The following USP43 variants were observed in gnomAD, a reference collection of about 807,000 sequenced individuals.
USP43 encodes ubiquitin carboxyl-terminal hydrolase 43.
USP43 carries 33 observed loss-of-function variants against 90.7 expected under a neutral mutation model. That is an observed-to-expected ratio of 0.36 (90% CI 0.28 to 0.49). USP43 has a LOEUF of 0.49. Among genes scored for constraint, USP43 ranks in the 20% least tolerant of loss-of-function variants. The pLI is 0.98. For synonymous variants in USP43, 598 were observed against 615.8 expected (o/e 0.97, Z 0.43); for missense variants, 1,274 against 1,476.4 (o/e 0.86, Z 2.25).
intron 8 of USP43, among the ~76,000 whole-genome samples, chr17:9,689,725 T>C (rs1347315715): frequency 1.3e-5 from 2 of 151,998 alleles, no homozygotes; most frequent in African/African-American, 4.8e-5. Flanking sequence ...CCCAAACACT[T>C]TTATGGTATT....
At chr17:9,671,110 G>T (rs528671223) in intron 3 of USP43, among the ~76,000 whole-genome samples, 11 of 152,308 alleles carry the variant, frequency 7.2e-5, no homozygotes, top group East Asian at 1.9e-4. Flanking sequence ...CTGAGTTTTT[G>T]ACTTTGGCTG....
intron 1 of USP43, among the ~76,000 whole-genome samples, chr17:9,652,713 T>TA (rs1248216117): frequency 1.1e-4 from 17 of 151,306 alleles, no homozygotes; most frequent in Admixed American, 3.3e-4. Context: ...AATAGGTTAT[T>TA]AAAAAAAAAT....
intron 9 of USP43, among the ~76,000 whole-genome samples, chr17:9,697,387 A>G (rs931173159): frequency 1.3e-5 from 2 of 151,754 alleles, no homozygotes; most frequent in African/African-American, 4.8e-5. Flanking sequence ...TTACATGGAT[A>G]TATCATGTAA....
chr17:9,695,990 T>C (rs8078128), intron 9 of USP43, among the ~76,000 whole-genome samples: 51,626 of 151,958 alleles, frequency 0.34, 10,622 homozygotes, highest in East Asian at 0.7. Context: ...CCATTGTATG[T>C]ATACACCACC....
rs748768324 is a variant in USP43, at chr17:9,674,867, C to T, written c.741-24C>T. The T allele has an allele frequency of 2.0e-5, 32 of 1,596,166 alleles. No individual in the cohort carries two copies. The highest frequency in any genetic ancestry group is 1.3e-4 in the African/African-American group (10 of 74,478). ...AATTGTTTACGTGTGATTAAACGTTCGCCTCTGTTCTTCACCCTCACAGAT... is the reference window on the plus strand; with the variant it reads ...AATTGTTTACGTGTGATTAAACGTTTGCCTCTGTTCTTCACCCTCACAGAT... On this transcript the variant is annotated intron_variant, in intron 3 of 14. Coordinates refer to ENST00000285199, the MANE Select transcript of USP43 (RefSeq NM_153210.5). The surrounding 1 kb of genome is among the most constrained non-coding windows in gnomAD (Gnocchi z 4.4).
At chr17:9,697,050 C>T (rs1915311090) in intron 9 of USP43, among the ~76,000 whole-genome samples, 1 of 152,172 alleles carries the variant, frequency 6.6e-6, no homozygotes, top group Admixed American at 6.5e-5. Flanking sequence ...AACCGCATTT[C>T]TACTGAAAAT....
chr17:9,720,514 G>A (rs970521652), intron 14 of USP43, among the ~76,000 whole-genome samples: 3 of 150,252 alleles, frequency 2.0e-5, no homozygotes, highest in African/African-American at 7.3e-5. Context: ...TTGAGATGGT[G>A]TTTCACTCTT....
intron 8 of USP43, among the ~76,000 whole-genome samples, chr17:9,688,786 A>G (rs771950621): frequency 1.3e-5 from 2 of 152,104 alleles, no homozygotes; most frequent in African/African-American, 2.4e-5. Context: ...TCCCAGGCTC[A>G]AGTGATCCTC....
At chr17:9,695,683 AT>A (rs1482673863) in intron 9 of USP43, among the ~76,000 whole-genome samples, 1 of 151,574 alleles carries the variant, frequency 6.6e-6, no homozygotes, top group Non-Finnish European at 1.5e-5. Flanking sequence ...GGATTGTTAC[AT>A]TTACCTTGTT....
At chr17:9,707,156 T>A (rs898980066) in intron 12 of USP43, among the ~76,000 whole-genome samples, 3 of 152,176 alleles carry the variant, frequency 2.0e-5, no homozygotes, top group Non-Finnish European at 4.4e-5. Context: ...ATGAGGCACT[T>A]GACTAAATGG....
At chr17:9,702,826 G>T (rs930959572) in intron 12 of USP43, among the ~76,000 whole-genome samples, 1 of 152,208 alleles carries the variant, frequency 6.6e-6, no homozygotes, top group Non-Finnish European at 1.5e-5. Flanking sequence ...ATCGGAGAAT[G>T]GATGGAACAG....
chr17:9,714,777 C>T (rs932572311), intron 14 of USP43, among the ~76,000 whole-genome samples: 13 of 150,928 alleles, frequency 8.6e-5, no homozygotes, highest in African/African-American at 2.0e-4. Flanking sequence ...AAGAAAAGAA[C>T]GGAGAAGGAG....
At chr17:9,688,577 T>C (rs1468561202) in intron 8 of USP43, among the ~76,000 whole-genome samples, 1 of 151,940 alleles carries the variant, frequency 6.6e-6, no homozygotes. Context: ...TCTCAATCTC[T>C]TGGCCTCATG....
chr17:9,708,673 G>A (rs552800233), intron 12 of USP43, among the ~76,000 whole-genome samples: 1 of 152,272 alleles, frequency 6.6e-6, no homozygotes, highest in African/African-American at 2.4e-5. Context: ...TGTTGCCCGG[G>A]TTGGAGTGCA....
At position 9,710,278 on chromosome 17, in the gene USP43, A is replaced by G. The variant is rs895699671; in HGVS notation, c.2170+164A>G. Among the ~76,000 whole-genome samples, 40 of 152,128 alleles carry G rather than the reference A, an allele frequency of 2.6e-4. 1 individual carries two copies. Among genetic ancestry groups the G allele is most frequent in the Admixed American group, 6.6e-5 (1 of 15,256 alleles). ...CCTGAGCTGCATAGACTGGTTGCTC[A>G]TTTACCAGGGTGTGGGATGGATGGA... On this transcript the variant is annotated intron_variant, in intron 13 of 14. Coordinates refer to ENST00000285199, the MANE Select transcript of USP43 (RefSeq NM_153210.5).
chr17:9,709,437 C>T lies in USP43; in HGVS notation c.2012-519C>T, dbSNP rs1264922396. Among the ~76,000 whole-genome samples, 3 of 152,102 alleles carry T rather than the reference C, an allele frequency of 2.0e-5. No homozygotes were observed. The highest frequency in any genetic ancestry group is 1.3e-4 in the Admixed American group (2 of 15,272). On this transcript the variant is annotated intron_variant, in intron 12 of 14. Coordinates refer to ENST00000285199, the MANE Select transcript of USP43 (RefSeq NM_153210.5). The surrounding 1 kb of genome is among the most constrained non-coding windows in gnomAD (Gnocchi z 5.0). Reference sequence around the variant, plus strand: ...AACTTAAAATAACAGCACTCTTGGCCGGGCATGGTGGCTCAGGCCTGTAAT... The same window carrying T: ...AACTTAAAATAACAGCACTCTTGGCTGGGCATGGTGGCTCAGGCCTGTAAT...
intron 1 of USP43, among the ~76,000 whole-genome samples, chr17:9,655,595 T>C (rs572947653): frequency 1.8e-4 from 27 of 152,298 alleles, no homozygotes; most frequent in African/African-American, 6.0e-4. Flanking sequence ...GCGCAAGGGA[T>C]ACCAGGAATG....
At chr17:9,666,806 C>A in intron 3 of USP43, 55 bp downstream of exon 3, 8 of 1,390,130 alleles carry the variant, frequency 5.8e-6, no homozygotes, top group South Asian at 1.2e-5. Context: ...AGACTCAATT[C>A]CTGGTAACCA....
chr17:9,711,993 T>C lies in USP43; in HGVS notation c.2196T>C (p.Asp732=). ...GCTCTACCAGCTCCTCCCTGTCTGATCACTGGCTCTTACGGCTCGGGAGCC... is the reference window on the plus strand; with the variant it reads ...GCTCTACCAGCTCCTCCCTGTCTGACCACTGGCTCTTACGGCTCGGGAGCC... ...MRGSTSSSLS[D]HWLLRLGSHA... Residue 732 remains aspartate (D), a synonymous_variant, in exon 14 of 15, where the codon GAT becomes GAC. Transcript: ENST00000285199. 6.2e-7 allele frequency: 1 copy of C among 1,611,238 alleles called. No homozygotes were observed. Among genetic ancestry groups the C allele is most frequent in the Non-Finnish European group, 8.5e-7 (1 of 1,178,582 alleles).
Sources: allele counts gnomAD v4.1 joint callset (sites outside exome capture counted in the v4.1 genomes callset), GRCh38; gene constraint gnomAD v4.1.1; non-coding constraint Gnocchi (gnomAD v3.1); transcripts MANE v1.5; gene names NCBI Gene and HGNC (gene_info 2026-07-23, HGNC 2026-07-21).